Variants in DOCK9 observed in about 807,000 individuals in gnomAD.
The protein encoded by DOCK9 is dedicator of cytokinesis protein 9.
DOCK9 carries 89 observed loss-of-function variants against 263.3 expected under a neutral mutation model. That is an observed-to-expected ratio of 0.34 (90% CI 0.28 to 0.40). The LOEUF (loss-of-function observed/expected upper bound fraction) is 0.40, where lower values mean the gene tolerates loss of function less well. Ranked by LOEUF, DOCK9 falls within the 10% of genes least tolerant of loss-of-function variation. The probability of loss-of-function intolerance (pLI) is 1.00; values close to 1 mark genes in which losing one functional copy is unlikely to be tolerated. For synonymous variants in DOCK9, 976 were observed against 973.1 expected, an observed-to-expected ratio of 1.00 and a Z score of -0.06; for missense variants, 2,140 against 2,603.4, an observed-to-expected ratio of 0.82 and a Z score of 3.87.
rs1309470941 is a variant in DOCK9, at chr13:98,831,629, C to T, written c.4452+20G>A. On this transcript the variant is annotated intron_variant, in intron 40 of 52. Transcript: ENST00000682017. ...GGGGAAGAAGGAAAACATCTAACCA[C>T]TGCCCATGAAGCAACTTACCTTATA... 8 of 1,610,414 alleles carry T rather than the reference C, an allele frequency of 5.0e-6. No individual in the cohort carries two copies. The highest frequency in any genetic ancestry group is 6.8e-6 in the Non-Finnish European group (8 of 1,178,262).
chr13:98,872,118 G>A (rs1041574047), intron 27 of DOCK9: 9 of 152,398 alleles, frequency 5.9e-5, no homozygotes, highest in South Asian at 4.1e-4. Context: ...TGAGGACTTC[G>A]GAATGGTCTT....
intron 2 of DOCK9, among the ~76,000 whole-genome samples, chr13:98,950,980 A>G (rs556431464): frequency 6.6e-6 from 1 of 152,326 alleles, no homozygotes; most frequent in African/African-American, 2.4e-5. Context: ...CCTGGGCTTG[A>G]CTTTCAGTTA....
intron 1 of DOCK9, among the ~76,000 whole-genome samples, chr13:98,991,672 T>C (rs538438294): frequency 6.0e-5 from 9 of 150,462 alleles, no homozygotes; most frequent in Non-Finnish European, 1.0e-4. Context: ...TAAAATTATA[T>C]ATAAATATAA....
At chr13:98,963,107 C>A (rs2058833660) in intron 1 of DOCK9, among the ~76,000 whole-genome samples, 2 of 152,134 alleles carry the variant, frequency 1.3e-5, no homozygotes, top group South Asian at 4.2e-4. Flanking sequence ...CCCCGCCAGT[C>A]CCCATCTACT....
chr13:99,058,143 A>G (rs2041013887), intron 1 of DOCK9, among the ~76,000 whole-genome samples: 1 of 151,406 alleles, frequency 6.6e-6, no homozygotes, highest in South Asian at 2.1e-4. Context: ...TCTGACCCAC[A>G]GTGTACTAAC....
chr13:98,971,132 T>C (rs1386755552), intron 1 of DOCK9, among the ~76,000 whole-genome samples: 2 of 152,208 alleles, frequency 1.3e-5, no homozygotes, highest in African/African-American at 4.8e-5. Context: ...AGGCTCCTCA[T>C]TTTACAGGTA....
intron 33 of DOCK9, chr13:98,858,512 A>G (rs973608501): frequency 1.3e-5 from 2 of 152,184 alleles, no homozygotes; most frequent in Non-Finnish European, 2.9e-5. Context: ...ATTAGCTAGA[A>G]ACTCCCTGAT....
chr13:99,073,391 T>TCTCTCTCTC (rs1566391375), intron 1 of DOCK9, among the ~76,000 whole-genome samples: 1 of 151,692 alleles, frequency 6.6e-6, no homozygotes, highest in Non-Finnish European at 1.5e-5. Flanking sequence ...CTCTCCTCTC[T>TCTCTCTCTC]CTCTCTCTCT....
intron 1 of DOCK9, among the ~76,000 whole-genome samples, chr13:99,071,766 T>C (rs111762735): frequency 0.02 from 3,054 of 152,296 alleles, 48 homozygotes; most frequent in Non-Finnish European, 0.034. Context: ...CCTTCCACCA[T>C]TCGCTTTAGT....
intron 22 of DOCK9, 130 bp from the exon 23 acceptor site, chr13:98,883,261 T>C: frequency 1.2e-6 from 1 of 857,788 alleles, no homozygotes; most frequent in East Asian, 2.7e-5. Context: ...GTTGCTGTTT[T>C]TTTTGAGACA....
At chr13:99,062,622 C>T (rs533320788) in intron 1 of DOCK9, among the ~76,000 whole-genome samples, 147 of 152,316 alleles carry the variant, frequency 9.7e-4, no homozygotes, top group African/African-American at 2.6e-3. Context: ...CGCAAGCCTT[C>T]TACAACAGGA....
intron 8 of DOCK9, among the ~76,000 whole-genome samples, chr13:98,915,126 T>G (rs2050677912): frequency 6.6e-6 from 1 of 151,998 alleles, no homozygotes; most frequent in South Asian, 2.1e-4. Flanking sequence ...GTTCTTCCCA[T>G]TACATGATTT....
chr13:98,993,162 A>C (rs1183932733), intron 1 of DOCK9, among the ~76,000 whole-genome samples: 1 of 152,234 alleles, frequency 6.6e-6, no homozygotes, highest in Non-Finnish European at 1.5e-5. Flanking sequence ...ATGCAGTAAT[A>C]AAAATAATTA....
chr13:98,809,730 G>T (rs2091120103), intron 46 of DOCK9, among the ~76,000 whole-genome samples: 2 of 152,166 alleles, frequency 1.3e-5, no homozygotes, highest in South Asian at 4.1e-4. Flanking sequence ...GTCAGAGATG[G>T]TTCCCCAACG....
intron 1 of DOCK9, among the ~76,000 whole-genome samples, chr13:99,033,028 G>T (rs1887511755): frequency 6.6e-6 from 1 of 152,206 alleles, no homozygotes; most frequent in Non-Finnish European, 1.5e-5. Flanking sequence ...GTCAACAACT[G>T]TTAAAGAATA....
chr13:98,834,656 T>A (rs1175585636), intron 39 of DOCK9: 2 of 152,244 alleles, frequency 1.3e-5, no homozygotes, highest in Admixed American at 6.5e-5. Context: ...GGTTTGGGAT[T>A]GTGTTAATAA....
intron 15 of DOCK9, 21 bp from the exon 16 acceptor site, chr13:98,888,732 A>T: frequency 1.2e-6 from 2 of 1,605,308 alleles, no homozygotes; most frequent in Non-Finnish European, 1.7e-6. Flanking sequence ...AAGAAGAGAA[A>T]AATTAAACAT....
intron 38 of DOCK9, among the ~76,000 whole-genome samples, chr13:98,844,588 C>T (rs2093333687): frequency 6.6e-6 from 1 of 152,128 alleles, no homozygotes; most frequent in African/African-American, 2.4e-5. Flanking sequence ...GTCTCGAACT[C>T]CTGGTCTCAA....
intron 38 of DOCK9, among the ~76,000 whole-genome samples, chr13:98,839,092 A>C (rs1279948003): frequency 1.3e-5 from 2 of 152,202 alleles, no homozygotes; most frequent in African/African-American, 2.4e-5. Context: ...TATGATAGAA[A>C]TGCTGTTGTG....
Sources: gnomAD v4.1 joint callset for allele counts (sites outside exome capture counted in the v4.1 genomes callset) on GRCh38, gnomAD v4.1.1 for gene constraint, MANE v1.5 for transcripts, NCBI Gene and HGNC (gene_info 2026-07-23, HGNC 2026-07-21) for gene names.